SYTL2: variants seen among roughly 807,000 people sequenced by gnomAD.
SYTL2 encodes synaptotagmin-like protein 2.
A neutral mutation model predicts 198.7 loss-of-function variants in SYTL2; 165 were observed. The observed-to-expected ratio is 0.83, with a 90% CI of 0.73 to 0.94. SYTL2 has a LOEUF of 0.94. Among genes scored for constraint, SYTL2 ranks in the 40% least tolerant of loss-of-function variants. The pLI is 0.00. For synonymous variants in SYTL2, 966 were observed against 917.7 expected (o/e 1.05, Z -0.95); for missense variants, 2,835 against 2,582.8 (o/e 1.10, Z -2.12).
intron 1 of SYTL2, among the ~76,000 whole-genome samples, chr11:85,787,685 GTTTT>G (rs886588615): frequency 1.0e-5 from 1 of 96,232 alleles, no homozygotes; most frequent in East Asian, 3.2e-4. Context: ...TCTTTTTTCT[GTTTT>G]TTTTTCTTTT....
At chr11:85,748,516 G>C (rs2091312894) in intron 2 of SYTL2, 93 bp from the exon 3 acceptor site, 1 of 1,326,596 alleles carries the variant, frequency 7.5e-7, no homozygotes, top group Non-Finnish European at 1.0e-6. Context: ...TAAACACACA[G>C]ATAAAATGAA....
chr11:85,706,950 C>T (rs1454847099), intron 15 of SYTL2, among the ~76,000 whole-genome samples: 1 of 152,142 alleles, frequency 6.6e-6, no homozygotes, highest in East Asian at 1.9e-4. Flanking sequence ...AAGTCATTCT[C>T]CTGCCTCAGC....
intron 1 of SYTL2, among the ~76,000 whole-genome samples, chr11:85,808,434 T>A (rs953482777): frequency 1.3e-5 from 2 of 152,154 alleles, no homozygotes; most frequent in Non-Finnish European, 2.9e-5. Context: ...GTTTTGGTAA[T>A]AAGAAAATAA....
chr11:85,782,365 C>T (rs4088047), intron 1 of SYTL2, among the ~76,000 whole-genome samples: 8,805 of 152,236 alleles, frequency 0.058, 780 homozygotes, highest in African/African-American at 0.19. Flanking sequence ...GCCCAGGAAA[C>T]CATTTTCCCT....
chr11:85,837,836 A>C, the SYTL2 span, among the ~76,000 whole-genome samples: 1 of 152,196 alleles, frequency 6.6e-6, no homozygotes, highest in Non-Finnish European at 1.5e-5. Context: ...CAATGATATT[A>C]ACCCTTCTGT....
At chr11:85,848,912 G>T in the SYTL2 span, among the ~76,000 whole-genome samples, 1 of 152,134 alleles carries the variant, frequency 6.6e-6, no homozygotes, top group Non-Finnish European at 1.5e-5. Context: ...AAGACATGTG[G>T]TATCTTTTTG....
chr11:85,819,172 T>C, the SYTL2 span, among the ~76,000 whole-genome samples: 3 of 152,244 alleles, frequency 2.0e-5, no homozygotes, highest in Non-Finnish European at 4.4e-5. Context: ...AAAATACTAG[T>C]AGCTTTTCTG....
At chr11:85,852,013 G>A in the SYTL2 span, among the ~76,000 whole-genome samples, 10 of 152,032 alleles carry the variant, frequency 6.6e-5, no homozygotes, top group African/African-American at 2.4e-4. Flanking sequence ...GTTAAAATGA[G>A]GTGGAACACG....
chr11:85,827,866 A>G, the SYTL2 span, among the ~76,000 whole-genome samples: 2 of 152,210 alleles, frequency 1.3e-5, no homozygotes, highest in Non-Finnish European at 1.5e-5. Flanking sequence ...TAGTGATAAG[A>G]ATGTGTTTAG....
chr11:85,741,004 T>G (rs1269935408), intron 4 of SYTL2, among the ~76,000 whole-genome samples: 2 of 152,156 alleles, frequency 1.3e-5, no homozygotes, highest in Non-Finnish European at 2.9e-5. Context: ...TAAAAAAGGT[T>G]TTTAACGTTC....
chr11:85,834,168 T>C, the SYTL2 span, among the ~76,000 whole-genome samples: 3 of 152,082 alleles, frequency 2.0e-5, no homozygotes, highest in African/African-American at 7.2e-5. Context: ...CTACAAATAC[T>C]GCAGATATTA....
At chr11:85,826,989 C>T in the SYTL2 span, among the ~76,000 whole-genome samples, 2 of 152,214 alleles carry the variant, frequency 1.3e-5, no homozygotes, top group African/African-American at 4.8e-5. Flanking sequence ...GAATGGGCTC[C>T]TCCTTAGGAG....
At chr11:85,718,954 A>G in intron 9 of SYTL2, 111 bp from the exon 10 acceptor site, 1 of 1,546,100 alleles carries the variant, frequency 6.5e-7, no homozygotes. Context: ...TCAAGATGCA[A>G]TGAGGGGTGC....
At chr11:85,844,326 A>G in the SYTL2 span, among the ~76,000 whole-genome samples, 1 of 152,210 alleles carries the variant, frequency 6.6e-6, no homozygotes, top group African/African-American at 2.4e-5. Flanking sequence ...GCGTGTAGGG[A>G]GTAATTCACA....
chr11:85,827,526 C>T, the SYTL2 span, among the ~76,000 whole-genome samples: 7,413 of 152,268 alleles, frequency 0.049, 233 homozygotes, highest in Non-Finnish European at 0.066. Flanking sequence ...TGCTCCCCTC[C>T]ATGCTTCTTT....
intron 14 of SYTL2, 43 bp from the exon 15 acceptor site, chr11:85,707,574 G>A (rs766733711): frequency 3.5e-5 from 45 of 1,284,174 alleles, no homozygotes; most frequent in South Asian, 2.6e-4. Context: ...GAAAATAAAA[G>A]TTATGTTTCC....
In SYTL2 at chr11:85,757,939, G is replaced by A; in HGVS notation, c.-214C>T. 1 of 572,518 alleles carries A rather than the reference G, an allele frequency of 1.7e-6. No individual in the cohort carries two copies. The highest frequency in any genetic ancestry group is 3.0e-6 in the Non-Finnish European group (1 of 330,128). The allele number at this position is 572,518 out of a possible 1,614,324, so 35.5% of individuals were successfully genotyped here. ...TCCCATGAGGAAGTCCTGGTCTGTG[G>A]GATAGTGTCGAGAAGAGGCTCTCAG... On this transcript the variant is annotated 5_prime_UTR_variant, in exon 2 of 20. Coordinates refer to ENST00000359152, the MANE Select transcript of SYTL2 (RefSeq NM_206927.4).
intron 1 of SYTL2, among the ~76,000 whole-genome samples, chr11:85,771,033 C>T (rs564719530): frequency 1.6e-4 from 25 of 152,274 alleles, no homozygotes; most frequent in African/African-American, 6.0e-4. Flanking sequence ...TATATAGGTA[C>T]CCAACACAGT....
chr11:85,721,219 T>C (rs561618473), intron 8 of SYTL2, among the ~76,000 whole-genome samples: 2 of 152,348 alleles, frequency 1.3e-5, no homozygotes, highest in East Asian at 3.9e-4. Flanking sequence ...TGTGATCTCT[T>C]AGTTGTTTAC....
Sources: gnomAD v4.1 joint callset for allele counts (sites outside exome capture counted in the v4.1 genomes callset) on GRCh38, gnomAD v4.1.1 for gene constraint, MANE v1.5 for transcripts, NCBI Gene and HGNC (gene_info 2026-07-23, HGNC 2026-07-21) for gene names.